The following ZNF610 variants were observed in gnomAD, a reference collection of about 807,000 sequenced individuals.
ZNF610 encodes zinc finger protein 610.
In ZNF610, 14 loss-of-function variants were observed where a neutral mutation model predicts 14.1. That is an observed-to-expected ratio of 0.99 (90% CI 0.65 to 1.55). The LOEUF (loss-of-function observed/expected upper bound fraction) is 1.55, where lower values mean the gene tolerates loss of function less well. ZNF610 is among the 40% of genes most tolerant of loss of function. The pLI, the probability that ZNF610 is intolerant of heterozygous loss-of-function variation, is 0.00. For synonymous variants in ZNF610, 185 were observed against 187.6 expected, an observed-to-expected ratio of 0.99 and a Z score of 0.11; for missense variants, 530 against 558.0, an observed-to-expected ratio of 0.95 and a Z score of 0.51.
At chr19:52,362,178 A>C (rs1416909062) in intron 5 of ZNF610, among the ~76,000 whole-genome samples, 5 of 152,044 alleles carry the variant, frequency 3.3e-5, no homozygotes, top group African/African-American at 1.2e-4. Flanking sequence ...CGGGAGGCCG[A>C]GGCGGGTGGA....
chr19:52,336,309 G>T lies in ZNF610; in HGVS notation c.-455G>T, dbSNP rs1984374729. The T allele has an allele frequency of 6.8e-6, 2 of 292,414 alleles. No homozygotes were observed. The highest frequency in any genetic ancestry group is 1.3e-5 in the Non-Finnish European group (2 of 154,818). 18.1% of individuals were successfully genotyped at this position (292,414 alleles called of 1,614,324 possible). On this transcript the variant is annotated 5_prime_UTR_variant, in exon 1 of 6. Coordinates refer to ENST00000403906, the MANE Select transcript of ZNF610 (RefSeq NM_001161425.2). Reference sequence around the variant, plus strand: ...CAGCGCGTCAGTTTCCCTTTGTTTAGATTCAATCTGGGCTTCCCAGCTCCC... The same window carrying T: ...CAGCGCGTCAGTTTCCCTTTGTTTATATTCAATCTGGGCTTCCCAGCTCCC...
upstream of ZNF610, among the ~76,000 whole-genome samples, chr19:52,335,974 T>G (rs1600227384): frequency 6.6e-6 from 1 of 151,854 alleles, no homozygotes; most frequent in African/African-American, 2.4e-5. Flanking sequence ...GAAGCGATCC[T>G]CCAGCCTCAG....
intron 3 of ZNF610, among the ~76,000 whole-genome samples, chr19:52,352,108 A>G (rs572423959): frequency 6.6e-6 from 1 of 152,264 alleles, no homozygotes; most frequent in East Asian, 1.9e-4. Flanking sequence ...AGAGTTGCGA[A>G]TTTCTTACAC....
Position 52,365,939 on chromosome 19 carries a change from A to C in ZNF610, c.561A>C (p.Pro187=), listed in dbSNP as rs758681128. Residue 187 remains proline (P), a synonymous_variant, in exon 6 of 6, where the codon CCA becomes CCC. Coordinates refer to ENST00000403906, the MANE Select transcript of ZNF610 (RefSeq NM_001161425.2). ...NKYRNDLIDF[P]LLPQEEKAYI... Reference sequence around the variant, plus strand: ...ATAGAAATGATCTTATTGATTTCCCATTACTCCCACAAGAAGAGAAAGCAT... The same window carrying C: ...ATAGAAATGATCTTATTGATTTCCCCTTACTCCCACAAGAAGAGAAAGCAT... The C allele has an allele frequency of 1.2e-6, 2 of 1,613,500 alleles. No individual in the cohort carries two copies. Among genetic ancestry groups the C allele is most frequent in the East Asian group, 4.5e-5 (2 of 44,874 alleles).
chr19:52,337,741 A>G (rs12462904), intron 1 of ZNF610, among the ~76,000 whole-genome samples: 85,796 of 152,024 alleles, frequency 0.56, 24,446 homozygotes, highest in Non-Finnish European at 0.59. Context: ...TCTAATTGTA[A>G]TCTAATAAGC....
At chr19:52,364,015 G>T (rs747999153) in intron 5 of ZNF610, among the ~76,000 whole-genome samples, 2 of 152,058 alleles carry the variant, frequency 1.3e-5, no homozygotes, top group Non-Finnish European at 2.9e-5. Flanking sequence ...GTGTATGTTT[G>T]TAGATTTTCC....
chr19:52,357,193 A>G (rs1400168411), intron 5 of ZNF610, among the ~76,000 whole-genome samples: 1 of 152,100 alleles, frequency 6.6e-6, no homozygotes, highest in Non-Finnish European at 1.5e-5. Context: ...TACATACTTA[A>G]CATTTACAGG....
Position 52,349,135 on chromosome 19 carries a change from G to A in ZNF610, c.-19-19G>A. 6 of 1,579,422 alleles carry A rather than the reference G, an allele frequency of 3.8e-6. No homozygotes were observed. The highest frequency in any genetic ancestry group is 5.2e-6 in the Non-Finnish European group (6 of 1,149,544). Reference sequence around the variant, plus strand: ...ATGTGTTGATTCCGAGCAGTAATCAGTGTATTTTTGACATTTAGGATTGAC... The same window carrying A: ...ATGTGTTGATTCCGAGCAGTAATCAATGTATTTTTGACATTTAGGATTGAC... On this transcript the variant is annotated intron_variant, in intron 2 of 5. Coordinates refer to ENST00000403906, the MANE Select transcript of ZNF610 (RefSeq NM_001161425.2).
chr19:52,337,154 G>C (rs1249915256), intron 1 of ZNF610, among the ~76,000 whole-genome samples: 2 of 152,106 alleles, frequency 1.3e-5, no homozygotes, highest in African/African-American at 4.8e-5. Flanking sequence ...TGGGAGAGGG[G>C]CAGAAAGGGG....
intron 5 of ZNF610, among the ~76,000 whole-genome samples, chr19:52,354,767 C>T (rs1411500538): frequency 2.0e-5 from 3 of 151,338 alleles, no homozygotes; most frequent in East Asian, 2.0e-4. Flanking sequence ...TTAGTAGAGA[C>T]GGAATTTCAC....
intron 1 of ZNF610, among the ~76,000 whole-genome samples, chr19:52,343,721 C>T (rs952735608): frequency 6.6e-6 from 1 of 152,110 alleles, no homozygotes; most frequent in Non-Finnish European, 1.5e-5. Context: ...CATACATTCC[C>T]GCTAGAGGGC....
intron 1 of ZNF610, among the ~76,000 whole-genome samples, chr19:52,339,003 A>AAT (rs1169437348): frequency 2.0e-5 from 3 of 151,954 alleles, no homozygotes; most frequent in Non-Finnish European, 2.9e-5. Context: ...GTGGCAGGAC[A>AAT]AAGGTAATAG....
upstream of ZNF610, among the ~76,000 whole-genome samples, chr19:52,334,936 A>ACACACACACACACACACACAC (rs1984299564): frequency 4.6e-4 from 19 of 41,590 alleles, no homozygotes; most frequent in South Asian, 2.5e-3. Context: ...CTCAAAAACA[A>ACACACACACACACACACACAC]ACACACACAC....
chr19:52,338,089 A>T (rs1304079635), intron 1 of ZNF610, among the ~76,000 whole-genome samples: 2 of 152,228 alleles, frequency 1.3e-5, no homozygotes, highest in Non-Finnish European at 2.9e-5. Context: ...TCAATTTCAC[A>T]CTAACACTAT....
chr19:52,360,301 A>G (rs1210807167), intron 5 of ZNF610, among the ~76,000 whole-genome samples: 1 of 152,184 alleles, frequency 6.6e-6, no homozygotes, highest in Non-Finnish European at 1.5e-5. Context: ...CGTACCCAAC[A>G]CTATAACAGA....
chr19:52,334,236 C>T (rs901257135), upstream of ZNF610, among the ~76,000 whole-genome samples: 1 of 152,080 alleles, frequency 6.6e-6, no homozygotes, highest in African/African-American at 2.4e-5. Context: ...TAATTTAGGC[C>T]GGGCTTGGTG....
chr19:52,362,135 C>T (rs1195437280), intron 5 of ZNF610, among the ~76,000 whole-genome samples: 1 of 152,194 alleles, frequency 6.6e-6, no homozygotes, highest in African/African-American at 2.4e-5. Context: ...GTGGGAATCA[C>T]ACTATGGGAT....
chr19:52,348,457 C>G (rs1352586014), intron 2 of ZNF610, among the ~76,000 whole-genome samples: 1 of 152,024 alleles, frequency 6.6e-6, no homozygotes, highest in African/African-American at 2.4e-5. Flanking sequence ...GGATTTGGAT[C>G]CTAGAAATAC....
At chr19:52,356,189 AG>A (rs1002807581) in intron 5 of ZNF610, among the ~76,000 whole-genome samples, 2 of 152,182 alleles carry the variant, frequency 1.3e-5, no homozygotes, top group African/African-American at 4.8e-5. Context: ...AAGGCCCCTC[AG>A]CCATTCTTCA....
Sources: allele counts gnomAD v4.1 joint callset (sites outside exome capture counted in the v4.1 genomes callset), GRCh38; gene constraint gnomAD v4.1.1; transcripts MANE v1.5; gene names NCBI Gene and HGNC (gene_info 2026-07-23, HGNC 2026-07-21).